Variants in ICAM2 observed in about 807,000 individuals in gnomAD.
ICAM2 encodes the protein ICAM-2.
Under a neutral mutation model 19.1 loss-of-function variants are expected in ICAM2, and 14 were observed. That is an observed-to-expected ratio of 0.73 (90% CI 0.48 to 1.15). The LOEUF (loss-of-function observed/expected upper bound fraction) is 1.15. ICAM2 is among the 50% of genes most tolerant of loss of function. The probability of loss-of-function intolerance (pLI) is 0.00; values close to 1 mark genes in which losing one functional copy is unlikely to be tolerated. For synonymous variants in ICAM2, 153 were observed against 152.7 expected (o/e 1.00, Z -0.01); for missense variants, 311 against 355.4 (o/e 0.88, Z 1.00).
Position 64,003,912 on chromosome 17 carries a change from G to GC in ICAM2, c.380dup (p.Lys128GlnfsTer6). 6.2e-7 allele frequency: 1 copy of GC among 1,614,094 alleles called. No homozygotes were observed. The highest frequency in any genetic ancestry group is 1.1e-5 in the South Asian group (1 of 91,068). On this transcript the variant is annotated frameshift_variant, in exon 4 of 5. Coordinates refer to ENST00000579788, the MANE Select transcript of ICAM2 (RefSeq NM_001099789.2). LOFTEE classifies it high-confidence loss of function. Reference sequence around the variant, plus strand: ...CCCTGCACTCAATGGTGAAGGACTTGCCCACAGCCACCAAAGTGGGTTGCA... The same window carrying GC: ...CCCTGCACTCAATGGTGAAGGACTTGCCCCACAGCCACCAAAGTGGGTTGCA...
chr17:64,003,092 T>G, intron 4 of ICAM2, 167 bp from the exon 5 acceptor site: 2 of 597,722 alleles, frequency 3.3e-6, no homozygotes, highest in Non-Finnish European at 5.9e-6. Flanking sequence ...GTGTCTGCAT[T>G]AAAATTATTA....
intron 1 of ICAM2, among the ~76,000 whole-genome samples, chr17:64,013,837 A>G (rs1567849037): frequency 6.6e-6 from 1 of 152,048 alleles, no homozygotes; most frequent in Non-Finnish European, 1.5e-5. Flanking sequence ...ATACTCCCAT[A>G]TAGAACTATA....
At position 64,003,327 on chromosome 17, in the gene ICAM2, C is replaced by T. The variant is rs1296032274; in HGVS notation, c.649+317G>A. ...CGTCCAGGGTCACCAAGCAGCAGAG[C>T]TCTGGGGACCTCAGTGGGGGCAGTC... On this transcript the variant is annotated intron_variant, in intron 4 of 4. Transcript: ENST00000579788. 8.8e-6 allele frequency: 4 copies of T among 456,842 alleles called. No homozygotes were observed. In the South Asian group the frequency reaches 9.6e-5, roughly 11 times the overall value. 28.3% of individuals were successfully genotyped at this position (456,842 alleles called of 1,614,324 possible).
chr17:64,014,339 G>GGAAA (rs1911573553), intron 1 of ICAM2, among the ~76,000 whole-genome samples: 1 of 41,028 alleles, frequency 2.4e-5, no homozygotes, highest in Non-Finnish European at 5.3e-5. Flanking sequence ...AGGAAAGAAA[G>GGAAA]AAAGAAAGAA....
chr17:64,015,211 A>G (rs1052698311), intron 1 of ICAM2, among the ~76,000 whole-genome samples: 2 of 152,208 alleles, frequency 1.3e-5, no homozygotes, highest in African/African-American at 4.8e-5. Flanking sequence ...ATGAGAACAT[A>G]CTTAGCATTA....
chr17:64,003,949 A>G lies in ICAM2; in HGVS notation c.344T>C (p.Val115Ala). ...CAAAGTGGGTTGCAGTGTCAGGATG[A>G]CCTGCCTTGGAGGCTCTGCAGGGGA... ...NVSVYQPPRQ[V>A]ILTLQPTLVA... The change falls in exon 4 of 5, where the codon GTC becomes GCC. Residue 115 changes from valine to alanine, a missense_variant. Transcript: ENST00000579788. 6.2e-7 allele frequency: 1 copy of G among 1,612,396 alleles called. No homozygotes were observed. The highest frequency in any genetic ancestry group is 8.5e-7 in the Non-Finnish European group (1 of 1,179,236).
intron 1 of ICAM2, among the ~76,000 whole-genome samples, chr17:64,010,089 C>T (rs1911389788): frequency 6.6e-6 from 1 of 152,200 alleles, no homozygotes; most frequent in Non-Finnish European, 1.5e-5. Context: ...GCCCAGAACT[C>T]TTTGGGGAGA....
chr17:64,010,227 T>C (rs1024671419), intron 1 of ICAM2, among the ~76,000 whole-genome samples: 3 of 152,166 alleles, frequency 2.0e-5, no homozygotes, highest in African/African-American at 7.2e-5. Flanking sequence ...TACACACCTG[T>C]TGGTCCTGTA....
At chr17:64,015,877 T>A (rs77946427) in intron 1 of ICAM2, among the ~76,000 whole-genome samples, 43,000 of 151,946 alleles carry the variant, frequency 0.28, 7,074 homozygotes, top group Admixed American at 0.39. Context: ...TATTATTATT[T>A]TTTTTAGAAA....
At chr17:64,015,012 C>A (rs543915409) in intron 1 of ICAM2, among the ~76,000 whole-genome samples, 1 of 151,894 alleles carries the variant, frequency 6.6e-6, no homozygotes, top group Middle Eastern at 3.4e-3. Flanking sequence ...AGAAGGCATG[C>A]GTAAACATGA....
chr17:64,006,648 G>T lies in ICAM2; in HGVS notation c.44C>A (p.Thr15Asn). 6.2e-7 allele frequency: 1 copy of T among 1,614,174 alleles called. No individual in the cohort carries two copies. The highest frequency in any genetic ancestry group is 1.1e-5 in the South Asian group (1 of 91,082). Residue 15 changes from threonine (T) to asparagine (N), a missense_variant, in exon 2 of 5, where the codon ACC becomes AAC. Coordinates refer to ENST00000579788, the MANE Select transcript of ICAM2 (RefSeq NM_001099789.2). ...TGGCTTACCTGGACAGCAGATCAGGGTGAAGAGGGCCACAGTCAGGGTCCT... is the reference window on the plus strand; with the variant it reads ...TGGCTTACCTGGACAGCAGATCAGGTTGAAGAGGGCCACAGTCAGGGTCCT... ...GYRTLTVALF[T>N]LICCPGSDEK... is the part of the protein sequence containing the mutation.
At chr17:64,003,501 A>G (rs1303545014) in intron 4 of ICAM2, 143 bp downstream of exon 4, 4 of 756,806 alleles carry the variant, frequency 5.3e-6, no homozygotes, top group East Asian at 2.6e-5. Flanking sequence ...AACTTCAGGG[A>G]AGAGGGAGAG....
intron 1 of ICAM2, among the ~76,000 whole-genome samples, chr17:64,010,550 A>AC (rs1286955695): frequency 6.6e-6 from 1 of 151,596 alleles, no homozygotes; most frequent in Non-Finnish European, 1.5e-5. Context: ...GAAAAAAAAA[A>AC]AAAACTATTA....
Position 64,005,365 on chromosome 17 carries a change from C to G in ICAM2, c.70G>C (p.Glu24Gln), listed in dbSNP as rs1413712154. The change falls in exon 3 of 5, where the codon GAG (glutamate) becomes CAG (glutamine). Residue 24 changes from glutamate (E) to glutamine (Q), a missense_variant. Glu to Gln is a conservative substitution (Grantham distance 29, BLOSUM62 2). Transcript: ENST00000579788. Reference sequence around the variant, plus strand: ...CTCACGTGTACCTCGAATACCTTCTCATCCGATCCTGGAAAACCAGAAACA... The same window carrying G: ...CTCACGTGTACCTCGAATACCTTCTGATCCGATCCTGGAAAACCAGAAACA... ...FTLICCPGSD[E>Q]KVFEVHVRPK... 6.2e-7 allele frequency: 1 copy of G among 1,612,624 alleles called. No individual in the cohort carries two copies. The highest frequency in any genetic ancestry group is 8.5e-7 in the Non-Finnish European group (1 of 1,178,874).
In ICAM2 at chr17:64,006,638, GCAGAT is replaced by G; in HGVS notation, c.49_53del (p.Ile17LeufsTer6). ...CCCAGGAAACTGGCTTACCTGGACA[GCAGAT>G]CAGGGTGAAGAGGGCCACAGTCAGG... On this transcript the variant is annotated frameshift_variant, in exon 2 of 5. Transcript: ENST00000579788. LOFTEE classifies it high-confidence loss of function. The G allele has an allele frequency of 6.2e-7, 1 of 1,614,064 alleles. No homozygotes were observed. Among genetic ancestry groups the G allele is most frequent in the Non-Finnish European group, 8.5e-7 (1 of 1,179,900 alleles).
Position 64,005,120 on chromosome 17 carries a change from G to C in ICAM2, c.315C>G (p.Asn105Lys), listed in dbSNP as rs775187300. ...CSGKQESMNS[N>K]VSVYQPPRQV... is the part of the protein sequence containing the mutation. ...ACAGCCACTCACGGTACACGCTGACGTTGGAATTCATTGACTCCTGCTTCC... is the reference window on the plus strand; with the variant it reads ...ACAGCCACTCACGGTACACGCTGACCTTGGAATTCATTGACTCCTGCTTCC... The change falls in exon 3 of 5, where the codon AAC becomes AAG. Residue 105 changes from asparagine to lysine, a missense_variant. Asn to Lys is a moderately conservative substitution (Grantham distance 94). Coordinates refer to ENST00000579788, the MANE Select transcript of ICAM2 (RefSeq NM_001099789.2). 1 of 1,614,130 alleles carries C rather than the reference G, an allele frequency of 6.2e-7. No homozygotes were observed.
rs60059489 is a variant in ICAM2, at chr17:64,014,379, G to GAAA, written c.-45+6143_-45+6144insTTT. Among the ~76,000 whole-genome samples the GAAA allele has an allele frequency of 6.3e-3, 281 of 44,494 alleles. 8 individuals carry two copies. The highest frequency in any genetic ancestry group is 0.021 in the African/African-American group (253 of 12,090). 29.2% of individuals were successfully genotyped at this position (44,494 alleles called of 152,430 possible). ...AGAAAGAAAGAAAGAAAGAAAGAAA[G>GAAA]GAAGGAAGGAAGGAAGGAAGGAAGG... On this transcript the variant is annotated intron_variant, in intron 1 of 4. Coordinates refer to ENST00000579788, the MANE Select transcript of ICAM2 (RefSeq NM_001099789.2).
intron 1 of ICAM2, among the ~76,000 whole-genome samples, chr17:64,008,553 A>C (rs777224951): frequency 1.3e-5 from 2 of 152,218 alleles, no homozygotes; most frequent in Non-Finnish European, 2.9e-5. Context: ...TCCATCTCAC[A>C]GATGGGAAAA....
chr17:64,003,399 G>A (rs946000022), intron 4 of ICAM2: 13 of 545,102 alleles, frequency 2.4e-5, no homozygotes, highest in South Asian at 1.1e-4. Context: ...AGGGAGAGCC[G>A]TCAAGGTCAT....
Sources: allele counts gnomAD v4.1 joint callset (sites outside exome capture counted in the v4.1 genomes callset), GRCh38; gene constraint gnomAD v4.1.1; transcripts MANE v1.5; gene names NCBI Gene and HGNC (gene_info 2026-07-23, HGNC 2026-07-21).